The following OPRM1 variants were observed in gnomAD, a reference collection of about 807,000 sequenced individuals.
OPRM1 encodes the protein opioid receptor mu 1, also known as mu-type opioid receptor.
Under a neutral mutation model 31.8 loss-of-function variants are expected in OPRM1, and 27 were observed. That is an observed-to-expected ratio of 0.85 (90% CI 0.63 to 1.17). The LOEUF (loss-of-function observed/expected upper bound fraction) is 1.17. Among genes scored for constraint, OPRM1 ranks in the 50% most tolerant of loss-of-function variants. The probability of loss-of-function intolerance (pLI) is 0.00; values close to 1 mark genes in which losing one functional copy is unlikely to be tolerated. For synonymous variants in OPRM1, 196 were observed against 189.9 expected, an observed-to-expected ratio of 1.03 and a Z score of -0.26; for missense variants, 536 against 511.1, an observed-to-expected ratio of 1.05 and a Z score of -0.47.
rs1797393258 is a variant in OPRM1, at chr6:154,123,120, C to T, written c.*4399C>T. 1.3e-5 allele frequency among the ~76,000 whole-genome samples: 2 copies of T among 152,178 alleles called. No individual in the cohort carries two copies. Among genetic ancestry groups the T allele is most frequent in the Non-Finnish European group, 2.9e-5 (2 of 68,022 alleles). On this transcript the variant is annotated 3_prime_UTR_variant, in exon 4 of 4. Coordinates refer to ENST00000330432, the MANE Select transcript of OPRM1 (RefSeq NM_000914.5). ...ATCCAAAAGCTTTTATAAGAAACTC[C>T]TCTCATCTCTGCAGCTATTTGAGTA...
At chr6:154,216,565 A>G (rs1391814045) in intron 3 of OPRM1, among the ~76,000 whole-genome samples, 2 of 152,192 alleles carry the variant, frequency 1.3e-5, no homozygotes, top group Non-Finnish European at 2.9e-5. Context: ...CAGGAAGAAT[A>G]TAATTTTACT....
intron 3 of OPRM1, among the ~76,000 whole-genome samples, chr6:154,143,378 A>G (rs1013297032): frequency 1.2e-4 from 19 of 152,164 alleles, no homozygotes; most frequent in African/African-American, 4.6e-4. Context: ...CTTGACCACT[A>G]CAGCACACAG....
intron 1 of OPRM1, among the ~76,000 whole-genome samples, chr6:154,082,069 G>T (rs371869330): frequency 7.2e-5 from 11 of 152,150 alleles, no homozygotes; most frequent in African/African-American, 2.7e-4. Context: ...GACTTTCTAT[G>T]ATTGAAGTTC....
In OPRM1 at chr6:154,178,487, C is replaced by T. The variant is rs528944617; in HGVS notation, c.1165-68206C>T. 2.4e-3 allele frequency among the ~76,000 whole-genome samples: 358 copies of T among 152,074 alleles called. 1 individual carries two copies. Among genetic ancestry groups the T allele is most frequent in the African/African-American group, 8.5e-3 (351 of 41,504 alleles). On this transcript the variant is annotated intron_variant, in intron 3 of 3. Coordinates refer to the OPRM1 transcript ENST00000337049. ...TATATGACCTTTATGTTAAAAATAT[C>T]GAAGGGTATCTTCCTCCCCCTCTTC...
chr6:154,239,294 A>G (rs1285517884), intron 3 of OPRM1, among the ~76,000 whole-genome samples: 1 of 152,236 alleles, frequency 6.6e-6, no homozygotes, highest in Non-Finnish European at 1.5e-5. Flanking sequence ...TAAAGCTATG[A>G]CAGGGGAACC....
chr6:154,051,710 C>T (rs534658156), intron 1 of OPRM1, among the ~76,000 whole-genome samples: 7 of 152,264 alleles, frequency 4.6e-5, no homozygotes, highest in East Asian at 3.9e-4. Context: ...GAAAGAGGAA[C>T]GCTTTTACAC....
At chr6:154,151,525 G>A (rs1038714063) in intron 3 of OPRM1, among the ~76,000 whole-genome samples, 1 of 152,156 alleles carries the variant, frequency 6.6e-6, no homozygotes, top group African/African-American at 2.4e-5. Context: ...TCATGTAGCT[G>A]AGGGAAATTT....
intron 1 of OPRM1, among the ~76,000 whole-genome samples, chr6:154,022,726 A>G (rs1237687981): frequency 6.6e-6 from 1 of 152,078 alleles, no homozygotes; most frequent in Non-Finnish European, 1.5e-5. Flanking sequence ...TGATTTTTGT[A>G]TATGGTGAGA....
chr6:154,212,659 A>AAT (rs1287669844), intron 3 of OPRM1: 1 of 700,576 alleles, frequency 1.4e-6, no homozygotes, highest in Non-Finnish European at 2.4e-6. Flanking sequence ...CAGGTATCTT[A>AAT]ATTTAGCCCA....
chr6:154,200,780 C>A (rs1777003731), intron 3 of OPRM1, among the ~76,000 whole-genome samples: 1 of 152,094 alleles, frequency 6.6e-6, no homozygotes, highest in Non-Finnish European at 1.5e-5. Context: ...CGAACTTAAA[C>A]CCTTGAATAT....
intron 1 of OPRM1, among the ~76,000 whole-genome samples, chr6:154,060,814 C>T (rs1457090777): frequency 6.6e-6 from 1 of 152,094 alleles, no homozygotes; most frequent in Non-Finnish European, 1.5e-5. Context: ...TTAAGAAATC[C>T]AGATTCATCT....
intron 3 of OPRM1, among the ~76,000 whole-genome samples, chr6:154,115,671 G>A (rs1317628893): frequency 6.6e-6 from 1 of 152,220 alleles, no homozygotes; most frequent in African/African-American, 2.4e-5. Context: ...CCTTAAAGGA[G>A]TCTAAATCAG....
At chr6:154,061,513 T>G (rs1242781715) in intron 1 of OPRM1, among the ~76,000 whole-genome samples, 1 of 152,092 alleles carries the variant, frequency 6.6e-6, no homozygotes, top group East Asian at 1.9e-4. Flanking sequence ...AATCATGTCC[T>G]TTGCAGCAAC....
intron 3 of OPRM1, among the ~76,000 whole-genome samples, chr6:154,094,016 G>T (rs1341565528): frequency 1.3e-5 from 2 of 152,192 alleles, no homozygotes; most frequent in Non-Finnish European, 2.9e-5. Context: ...TTTGGTCGTT[G>T]TTTCACATCA....
At chr6:154,225,042 A>C (rs763596266) in intron 3 of OPRM1, among the ~76,000 whole-genome samples, 3 of 152,224 alleles carry the variant, frequency 2.0e-5, no homozygotes, top group Non-Finnish European at 4.4e-5. Flanking sequence ...TTAGATCTAC[A>C]GACTGAGTAT....
chr6:154,219,043 T>TA (rs1778637352), intron 3 of OPRM1: 1 of 152,154 alleles, frequency 6.6e-6, no homozygotes, highest in Non-Finnish European at 1.5e-5. Context: ...CAACTCTACT[T>TA]ACCATTAGAT....
At position 154,039,270 on chromosome 6, in the gene OPRM1, T is replaced by C. The variant is rs201734461; in HGVS notation, c.-275T>C. 3.8e-5 allele frequency: 59 copies of C among 1,551,550 alleles called. No homozygotes were observed. Among genetic ancestry groups the C allele is most frequent in the Non-Finnish European group, 4.9e-5 (56 of 1,146,946 alleles). The stretch of plus-strand genomic sequence containing the variant: ...TCCCTTCCAGCCTCCGAATCCCGCA[T>C]GGCCCACGCTCCCCTCCTGCAGCGG... On this transcript the variant is annotated 5_prime_UTR_variant, in exon 1 of 4. The change abolishes an upstream ATG in the 5' untranslated region. Coordinates refer to ENST00000330432, the MANE Select transcript of OPRM1 (RefSeq NM_000914.5).
intron 3 of OPRM1, among the ~76,000 whole-genome samples, chr6:154,209,092 G>C (rs1418177111): frequency 1.3e-5 from 2 of 152,040 alleles, no homozygotes; most frequent in Non-Finnish European, 2.9e-5. Context: ...GTCCAAACTG[G>C]TTTCATTGTT....
At chr6:154,033,914 A>G (rs1216911164) in intron 1 of OPRM1, among the ~76,000 whole-genome samples, 5 of 152,234 alleles carry the variant, frequency 3.3e-5, no homozygotes, top group African/African-American at 1.2e-4. Context: ...AGCAATCATG[A>G]GTTCAACTGC....
Sources: allele counts gnomAD v4.1 joint callset (sites outside exome capture counted in the v4.1 genomes callset), GRCh38; gene constraint gnomAD v4.1.1; transcripts MANE v1.5; gene names NCBI Gene and HGNC (gene_info 2026-07-23, HGNC 2026-07-21).